The following MEGF11 variants were observed in gnomAD, a reference collection of about 807,000 sequenced individuals.
The protein encoded by MEGF11 is multiple epidermal growth factor-like domains protein 11.
Under a neutral mutation model 146.6 loss-of-function variants are expected in MEGF11, and 126 were observed. The observed-to-expected ratio is 0.86, with a 90% CI of 0.74 to 1.00. The LOEUF (loss-of-function observed/expected upper bound fraction) is 1.00. MEGF11 is among the 50% of genes least tolerant of loss of function. MEGF11 has a pLI of 0.00. For synonymous variants in MEGF11, 532 were observed against 583.4 expected (o/e 0.91, Z 1.27); for missense variants, 1,509 against 1,521.2 (o/e 0.99, Z 0.13).
intron 5 of MEGF11, among the ~76,000 whole-genome samples, chr15:65,991,721 A>C (rs1363846437): frequency 6.6e-6 from 1 of 152,126 alleles, no homozygotes; most frequent in Non-Finnish European, 1.5e-5. Context: ...TCTTGTGTAC[A>C]CTCCACATTT....
At chr15:66,219,906 T>C (rs1440077359) in intron 1 of MEGF11, among the ~76,000 whole-genome samples, 1 of 152,182 alleles carries the variant, frequency 6.6e-6, no homozygotes. Context: ...CCATACCGTA[T>C]ATATTAAGTT....
intron 5 of MEGF11, among the ~76,000 whole-genome samples, chr15:66,070,541 G>A (rs995535037): frequency 1.3e-5 from 2 of 152,238 alleles, no homozygotes; most frequent in Non-Finnish European, 2.9e-5. Flanking sequence ...CTGTAACCCT[G>A]TATTCTACAA....
chr15:66,211,320 G>A (rs1223749557), intron 1 of MEGF11, among the ~76,000 whole-genome samples: 1 of 152,100 alleles, frequency 6.6e-6, no homozygotes, highest in Non-Finnish European at 1.5e-5. Context: ...TCAGGAGATC[G>A]AGACCATCTT....
chr15:65,933,953 G>A (rs1031603180), intron 10 of MEGF11, among the ~76,000 whole-genome samples: 3 of 152,200 alleles, frequency 2.0e-5, no homozygotes, highest in Non-Finnish European at 2.9e-5. Context: ...CACTATACAA[G>A]CTATTAGTGC....
chr15:66,119,249 A>G (rs1233579431), intron 3 of MEGF11, 63 bp from the exon 4 acceptor site: 2 of 1,176,592 alleles, frequency 1.7e-6, no homozygotes, highest in Non-Finnish European at 2.5e-6. Context: ...ATTTAGAATG[A>G]TATTTGTGTT....
At chr15:66,031,246 G>A (rs1187209900) in intron 5 of MEGF11, among the ~76,000 whole-genome samples, 2 of 152,168 alleles carry the variant, frequency 1.3e-5, no homozygotes, top group South Asian at 2.1e-4. Context: ...CATCTGATAT[G>A]CCCCAGTGCG....
chr15:65,966,094 C>T (rs1397671902), intron 8 of MEGF11, among the ~76,000 whole-genome samples: 1 of 152,184 alleles, frequency 6.6e-6, no homozygotes, highest in East Asian at 1.9e-4. Flanking sequence ...CTCCCAGGTT[C>T]AAGCTATTCT....
At chr15:66,083,597 C>T (rs1041213853) in intron 5 of MEGF11, among the ~76,000 whole-genome samples, 28 of 151,006 alleles carry the variant, frequency 1.9e-4, no homozygotes, top group Admixed American at 5.9e-4. Context: ...ACTAAAAGCA[C>T]GGGCAATGAA....
chr15:66,101,193 C>T (rs1408483027), intron 4 of MEGF11, among the ~76,000 whole-genome samples: 1 of 152,104 alleles, frequency 6.6e-6, no homozygotes, highest in Non-Finnish European at 1.5e-5. Context: ...ATAGGAAGAG[C>T]TTCACAGAGA....
intron 2 of MEGF11, among the ~76,000 whole-genome samples, chr15:66,128,017 C>A (rs999948922): frequency 7.9e-5 from 12 of 152,226 alleles, no homozygotes; most frequent in Non-Finnish European, 1.5e-4. Flanking sequence ...AGGGACTGAG[C>A]CCCTCTGTGT....
At chr15:66,176,341 A>G (rs1384105251) in intron 1 of MEGF11, among the ~76,000 whole-genome samples, 1 of 152,180 alleles carries the variant, frequency 6.6e-6, no homozygotes, top group Non-Finnish European at 1.5e-5. Context: ...CAGTATGTTG[A>G]AGAAATACCT....
At chr15:65,930,766 C>A in intron 11 of MEGF11, 57 bp downstream of exon 11, 3 of 1,506,494 alleles carry the variant, frequency 2.0e-6, no homozygotes, top group Non-Finnish European at 2.7e-6. Flanking sequence ...GCTGGCAGCA[C>A]CACCTGGGGA....
intron 13 of MEGF11, among the ~76,000 whole-genome samples, chr15:65,927,648 T>A (rs925582469): frequency 6.6e-6 from 1 of 152,062 alleles, no homozygotes; most frequent in African/African-American, 2.4e-5. Flanking sequence ...CAAGGAGTTA[T>A]CAGGTGAAAA....
intron 5 of MEGF11, among the ~76,000 whole-genome samples, chr15:66,046,559 C>T (rs2084212492): frequency 6.6e-6 from 1 of 152,212 alleles, no homozygotes; most frequent in Non-Finnish European, 1.5e-5. Flanking sequence ...CTGCTGCAGG[C>T]TGAGGGCCTC....
intron 4 of MEGF11, among the ~76,000 whole-genome samples, chr15:66,098,098 A>T (rs543412545): frequency 9.2e-5 from 14 of 152,238 alleles, no homozygotes; most frequent in Non-Finnish European, 1.9e-4. Context: ...CAAATGCAGG[A>T]TAGAGCTTGG....
chr15:65,971,523 GA>G (rs2081295594), intron 7 of MEGF11, among the ~76,000 whole-genome samples: 1 of 152,210 alleles, frequency 6.6e-6, no homozygotes, highest in Admixed American at 6.5e-5. Context: ...CACAGGCACA[GA>G]TGAAGGTGGG....
intron 4 of MEGF11, among the ~76,000 whole-genome samples, chr15:66,115,799 C>T (rs2087697332): frequency 6.6e-6 from 1 of 152,216 alleles, no homozygotes; most frequent in African/African-American, 2.4e-5. Context: ...ACGGGAAGAA[C>T]ACCATGTGAC....
chr15:65,922,828 T>C lies in MEGF11; in HGVS notation c.1817A>G (p.Gln606Arg). The change falls in exon 14 of 26, where the codon CAG (glutamine) becomes CGG (arginine). Residue 606 changes from glutamine to arginine, a missense_variant. Physicochemically the swap from Gln to Arg is conservative, Grantham distance 43. Transcript: ENST00000395614. ...CAPGFRGPLC[Q>R]RICPPGFYGH... ...GGTCAGGGGATTAGCCTTACTTCTC[T>C]GGCATAAGGGTCCTCGGAAGCCAGG... The C allele has an allele frequency of 6.2e-7, 1 of 1,613,762 alleles. No homozygotes were observed. The highest frequency in any genetic ancestry group is 8.5e-7 in the Non-Finnish European group (1 of 1,179,798).
At chr15:66,128,203 C>T in intron 2 of MEGF11, 103 bp downstream of exon 2, 2 of 689,584 alleles carry the variant, frequency 2.9e-6, no homozygotes, top group Non-Finnish European at 2.3e-6. Flanking sequence ...GCTGCAGACC[C>T]TTAGAGGGCA....
Sources: allele counts gnomAD v4.1 joint callset (sites outside exome capture counted in the v4.1 genomes callset), GRCh38; gene constraint gnomAD v4.1.1; transcripts MANE v1.5; gene names NCBI Gene and HGNC (gene_info 2026-07-23, HGNC 2026-07-21).